EPHB1: variants seen among roughly 807,000 people sequenced by gnomAD.
The protein encoded by EPHB1 is EPH receptor B1, also known as ephrin type-B receptor 1.
EPHB1 carries 30 observed loss-of-function variants against 94.4 expected under a neutral mutation model. The observed-to-expected ratio is 0.32, with a 90% confidence interval of 0.24 to 0.43. The LOEUF (loss-of-function observed/expected upper bound fraction) is 0.43. Among genes scored for constraint, EPHB1 ranks in the 20% least tolerant of loss-of-function variants. EPHB1 has a pLI of 1.00. For missense variants in EPHB1, 1,055 were observed against 1,308.3 expected, an observed-to-expected ratio of 0.81 and a Z score of 2.99; for synonymous variants, 522 against 489.1, an observed-to-expected ratio of 1.07 and a Z score of -0.89.
At chr3:135,201,991 T>A (rs1942769648) in intron 12 of EPHB1, among the ~76,000 whole-genome samples, 1 of 152,052 alleles carries the variant, frequency 6.6e-6, no homozygotes, top group Non-Finnish European at 1.5e-5. Flanking sequence ...TCCAAGCAGG[T>A]AGACACTGGT....
At chr3:135,053,396 C>T (rs529313700) in intron 3 of EPHB1, among the ~76,000 whole-genome samples, 1 of 151,860 alleles carries the variant, frequency 6.6e-6, no homozygotes, top group Non-Finnish European at 1.5e-5. Flanking sequence ...TATATAGTCA[C>T]CATAAGAAAA....
intron 3 of EPHB1, among the ~76,000 whole-genome samples, chr3:134,972,332 G>GTA: frequency 6.8e-6 from 1 of 148,108 alleles, no homozygotes; most frequent in East Asian, 2.0e-4. Context: ...GAGTGTGTGT[G>GTA]TATATATATA....
At chr3:134,865,162 C>T (rs1247698483) in intron 1 of EPHB1, among the ~76,000 whole-genome samples, 1 of 151,960 alleles carries the variant, frequency 6.6e-6, no homozygotes, top group African/African-American at 2.4e-5. Context: ...ACAAAATTCC[C>T]AAAACAATGC....
At chr3:135,088,729 C>G (rs1394790421) in intron 3 of EPHB1, among the ~76,000 whole-genome samples, 2 of 152,128 alleles carry the variant, frequency 1.3e-5, no homozygotes, top group Non-Finnish European at 2.9e-5. Flanking sequence ...ATCCCTAGAT[C>G]TTAGTGATTC....
At chr3:135,170,154 G>A (rs1013677308) in intron 9 of EPHB1, among the ~76,000 whole-genome samples, 3 of 152,154 alleles carry the variant, frequency 2.0e-5, no homozygotes, top group Non-Finnish European at 2.9e-5. Flanking sequence ...TGCCTTTCTT[G>A]CCTGCAGGCA....
chr3:134,975,842 G>A (rs1934169174), intron 3 of EPHB1, among the ~76,000 whole-genome samples: 1 of 151,958 alleles, frequency 6.6e-6, no homozygotes, highest in Admixed American at 6.6e-5. Flanking sequence ...GCATACATGT[G>A]CACACATATT....
intron 3 of EPHB1, among the ~76,000 whole-genome samples, chr3:135,105,025 G>C (rs140375773): frequency 2.1e-3 from 327 of 152,288 alleles, no homozygotes; most frequent in African/African-American, 7.4e-3. Flanking sequence ...CCGTGTCCCA[G>C]TTTCCTCATT....
chr3:135,048,753 G>A (rs1274616597), intron 3 of EPHB1, among the ~76,000 whole-genome samples: 1 of 152,248 alleles, frequency 6.6e-6, no homozygotes, highest in African/African-American at 2.4e-5. Context: ...TACTAGGGCT[G>A]AGTGGACTTT....
intron 15 of EPHB1, among the ~76,000 whole-genome samples, chr3:135,250,421 C>A (rs777954673): frequency 1.3e-5 from 2 of 152,140 alleles, no homozygotes; most frequent in Non-Finnish European, 2.9e-5. Context: ...GTTCAATATT[C>A]TGCTACCTGT....
At position 134,889,668 on chromosome 3, in the gene EPHB1, C is replaced by T. The variant is rs114968197; in HGVS notation, c.59-36148C>T. On this transcript the variant is annotated intron_variant, in intron 1 of 15. Transcript: ENST00000398015. ...TTGAAAGTTTTCCTGGTTATTCTTG[C>T]CTATTTATTCATTTATTTATTTATT... 9.7e-3 allele frequency among the ~76,000 whole-genome samples: 1,471 copies of T among 151,170 alleles called. 24 individuals are homozygous for T. Among genetic ancestry groups the T allele is most frequent in the African/African-American group, 0.034 (1,414 of 41,082 alleles).
At chr3:135,167,083 T>A in intron 9 of EPHB1, 77 bp downstream of exon 9, 1 of 1,538,290 alleles carries the variant, frequency 6.5e-7, no homozygotes, top group Non-Finnish European at 9.0e-7. Context: ...AGAGCTCTCT[T>A]TATAGCCAGA....
intron 12 of EPHB1, among the ~76,000 whole-genome samples, chr3:135,231,368 AT>A (rs547980849): frequency 2.0e-5 from 3 of 151,952 alleles, no homozygotes; most frequent in Non-Finnish European, 2.9e-5. Context: ...TTGGTTGAAG[AT>A]TTTTTTTCCA....
At chr3:134,939,365 G>A (rs2039071266) in intron 2 of EPHB1, among the ~76,000 whole-genome samples, 1 of 150,800 alleles carries the variant, frequency 6.6e-6, no homozygotes, top group African/African-American at 2.4e-5. Context: ...ATCAGGCCAT[G>A]GTAATGAATG....
chr3:134,844,900 G>A (rs1560259162), intron 1 of EPHB1, among the ~76,000 whole-genome samples: 2 of 152,152 alleles, frequency 1.3e-5, no homozygotes, highest in Non-Finnish European at 2.9e-5. Context: ...TGATGTGACG[G>A]ACTTTTCCTG....
intron 3 of EPHB1, among the ~76,000 whole-genome samples, chr3:135,001,686 C>T (rs982779626): frequency 2.0e-5 from 3 of 152,158 alleles, no homozygotes; most frequent in African/African-American, 7.2e-5. Context: ...CTCAGTTCTT[C>T]CCTTTGCTGC....
At chr3:135,001,880 A>G (rs139932928) in intron 3 of EPHB1, among the ~76,000 whole-genome samples, 252 of 152,356 alleles carry the variant, frequency 1.7e-3, no homozygotes, top group Non-Finnish European at 2.6e-3. Flanking sequence ...TCCTATTAAT[A>G]GTTGTTGTGG....
chr3:134,880,928 A>G (rs140787991), intron 1 of EPHB1, among the ~76,000 whole-genome samples: 7 of 152,364 alleles, frequency 4.6e-5, no homozygotes, highest in African/African-American at 1.4e-4. Flanking sequence ...TGAGAATTAC[A>G]TGGCCAAGGG....
chr3:135,078,705 C>G (rs1938037463), intron 3 of EPHB1, among the ~76,000 whole-genome samples: 1 of 152,216 alleles, frequency 6.6e-6, no homozygotes, highest in Non-Finnish European at 1.5e-5. Flanking sequence ...AGTCATGCAT[C>G]TTTCTTAGGG....
Position 135,199,444 on chromosome 3 carries a change from G to T in EPHB1, c.2131-2030G>T, listed in dbSNP as rs889489871. 4.6e-5 allele frequency among the ~76,000 whole-genome samples: 7 copies of T among 152,326 alleles called. No homozygotes were observed. The East Asian group carries it at 1.2e-3, about 25-fold the overall frequency. Reference sequence around the variant, plus strand: ...CACTGCACATCCAGCTCACAGATGGGCAACGTGCTGAAAACCAGTCAGAGT... The same window carrying T: ...CACTGCACATCCAGCTCACAGATGGTCAACGTGCTGAAAACCAGTCAGAGT... On this transcript the variant is annotated intron_variant, in intron 11 of 15. Coordinates refer to ENST00000398015, the MANE Select transcript of EPHB1 (RefSeq NM_004441.5).
Sources: gnomAD v4.1 joint callset for allele counts (sites outside exome capture counted in the v4.1 genomes callset) on GRCh38, gnomAD v4.1.1 for gene constraint, MANE v1.5 for transcripts, NCBI Gene and HGNC (gene_info 2026-07-23, HGNC 2026-07-21) for gene names.